Variants in NEBL observed in about 807,000 individuals in gnomAD.
NEBL encodes nebulette.
Under a neutral mutation model 140.2 loss-of-function variants are expected in NEBL, and 122 were observed. The ratio of observed to expected loss-of-function variants is 0.87; its 90% confidence interval spans 0.75 to 1.01. The LOEUF (loss-of-function observed/expected upper bound fraction) is 1.01. Among genes scored for constraint, NEBL ranks in the 50% least tolerant of loss-of-function variants. The probability of loss-of-function intolerance (pLI) is 0.00; values close to 1 mark genes in which losing one functional copy is unlikely to be tolerated. For missense variants in NEBL, 1,365 were observed against 1,231.3 expected (o/e 1.11, Z -1.62); for synonymous variants, 436 against 398.9 (o/e 1.09, Z -1.11).
intron 26 of NEBL, among the ~76,000 whole-genome samples, chr10:20,799,106 C>T (rs545457212): frequency 2.2e-4 from 33 of 152,130 alleles, no homozygotes; most frequent in Non-Finnish European, 3.7e-4. Flanking sequence ...TTGGAATTTA[C>T]ATTATAAAGA....
At chr10:20,967,365 C>A (rs976242508) in intron 3 of NEBL, among the ~76,000 whole-genome samples, 2 of 152,172 alleles carry the variant, frequency 1.3e-5, no homozygotes, top group East Asian at 3.9e-4. Flanking sequence ...TGGTGGCTCA[C>A]GCCTGTGATC....
chr10:21,082,650 C>T (rs940124624), intron 2 of NEBL, among the ~76,000 whole-genome samples: 2 of 151,526 alleles, frequency 1.3e-5, no homozygotes, highest in African/African-American at 2.4e-5. Flanking sequence ...CCATTTTGAT[C>T]CTATACCAGT....
intron 13 of NEBL, among the ~76,000 whole-genome samples, chr10:20,839,867 T>C (rs1841248132): frequency 6.6e-6 from 1 of 152,158 alleles, no homozygotes; most frequent in Admixed American, 6.5e-5. Flanking sequence ...ATATGAGTTA[T>C]CCTTTTATTA....
chr10:21,146,328 A>G (rs1479564008), intron 2 of NEBL: 4 of 1,603,826 alleles, frequency 2.5e-6, no homozygotes, highest in Non-Finnish European at 3.4e-6. Flanking sequence ...ACCTGCCCCC[A>G]ACACATACTC....
intron 3 of NEBL, among the ~76,000 whole-genome samples, chr10:20,992,644 C>T (rs1039554930): frequency 6.6e-6 from 1 of 152,064 alleles, no homozygotes; most frequent in Non-Finnish European, 1.5e-5. Flanking sequence ...GCCTCCAGAC[C>T]TAGCTCTCCT....
intron 3 of NEBL, among the ~76,000 whole-genome samples, chr10:21,195,060 C>T (rs745985668): frequency 3.3e-5 from 5 of 152,078 alleles, no homozygotes; most frequent in Admixed American, 6.5e-5. Flanking sequence ...GTCATTGAAA[C>T]GACTCCCACT....
chr10:20,989,567 A>G (rs1837381731), intron 3 of NEBL, among the ~76,000 whole-genome samples: 1 of 152,198 alleles, frequency 6.6e-6, no homozygotes, highest in Non-Finnish European at 1.5e-5. Flanking sequence ...GTGTGAGAAG[A>G]CAGGGAGGGA....
At chr10:21,131,591 T>C (rs1156797788) in intron 2 of NEBL, among the ~76,000 whole-genome samples, 1 of 152,090 alleles carries the variant, frequency 6.6e-6, no homozygotes, top group East Asian at 1.9e-4. Context: ...AGAAAACCAA[T>C]AAAAGCAATG....
intron 2 of NEBL, among the ~76,000 whole-genome samples, chr10:21,163,628 C>T (rs73609211): frequency 0.033 from 4,998 of 152,288 alleles, 294 homozygotes; most frequent in African/African-American, 0.11. Context: ...TCCAAGTTCT[C>T]TGTGTTTGGT....
intron 2 of NEBL, among the ~76,000 whole-genome samples, chr10:21,087,657 A>G (rs1229185782): frequency 6.6e-6 from 1 of 152,194 alleles, no homozygotes; most frequent in Non-Finnish European, 1.5e-5. Flanking sequence ...TCGAGTAATA[A>G]TGTCTTGGAG....
intron 2 of NEBL, among the ~76,000 whole-genome samples, chr10:21,154,541 A>G (rs1840266561): frequency 1.3e-5 from 2 of 152,174 alleles, no homozygotes; most frequent in African/African-American, 4.8e-5. Flanking sequence ...GGTCTCAATA[A>G]CACCTGTGTT....
At chr10:21,135,707 G>C (rs1404140308) in intron 2 of NEBL, among the ~76,000 whole-genome samples, 2 of 152,122 alleles carry the variant, frequency 1.3e-5, no homozygotes, top group Non-Finnish European at 2.9e-5. Flanking sequence ...AATTGGTGAG[G>C]GGTCTACACC....
chr10:21,055,190 T>C (rs1188080332), intron 2 of NEBL, among the ~76,000 whole-genome samples: 1 of 152,230 alleles, frequency 6.6e-6, no homozygotes, highest in Non-Finnish European at 1.5e-5. Context: ...TAACAAGTTA[T>C]AACCTTGAGC....
rs901962676 is a variant in NEBL at position 20,808,558 on chromosome 10, G to A, written c.2713C>T (p.Pro905Ser). ...ACCTCACTGCAGCATGAAAAGCTAG[G>A]GTAAATCTCGGAGATTTCTGACCTG... ...DDRSEISEIY[P>S]SFSCCSEVTR... The change falls in exon 26 of 28, where the codon CCT becomes TCT. Residue 905 changes from proline (P) to serine (S), a missense_variant. Around this residue, in one of 2 missense-constraint regions of NEBL, gnomAD observed 1,323 missense variants for 1,154.8 expected, o/e 1.15. Transcript: ENST00000377122. 6.2e-7 allele frequency: 1 copy of A among 1,613,840 alleles called. No individual in the cohort carries two copies. The highest frequency in any genetic ancestry group is 8.5e-7 in the Non-Finnish European group (1 of 1,179,888).
intron 1 of NEBL, among the ~76,000 whole-genome samples, chr10:21,273,072 G>A (rs1250138023): frequency 6.6e-6 from 1 of 152,150 alleles, no homozygotes; most frequent in East Asian, 1.9e-4. Context: ...AAGACAACTG[G>A]AGTCATCTAC....
At position 20,924,858 on chromosome 10, in the gene NEBL, T is replaced by C. The variant is rs939048956; in HGVS notation, c.357+36814A>G. Among the ~76,000 whole-genome samples the C allele has an allele frequency of 5.3e-5, 8 of 152,158 alleles. No individual in the cohort carries two copies. In the East Asian group the frequency reaches 1.2e-3, roughly 22 times the overall value. On this transcript the variant is annotated intron_variant, in intron 4 of 6. Transcript: ENST00000417816. ...CATAATCCGGCTGGCGCTATAAAAC[T>C]GCAGGAGTCGAGGGGTACATGGTCC...
At chr10:21,161,948 C>CAGTG (rs1400206950) in intron 2 of NEBL, among the ~76,000 whole-genome samples, 1 of 152,156 alleles carries the variant, frequency 6.6e-6, no homozygotes. Context: ...CAAGGTGGCT[C>CAGTG]AGTGCACCAG....
At chr10:21,158,009 C>T (rs1840400813) in intron 2 of NEBL, among the ~76,000 whole-genome samples, 1 of 152,186 alleles carries the variant, frequency 6.6e-6, no homozygotes, top group South Asian at 2.1e-4. Flanking sequence ...CCAGAAGAAA[C>T]CAACCCTACA....
chr10:21,157,148 T>A (rs1471062088), intron 2 of NEBL, among the ~76,000 whole-genome samples: 2 of 152,118 alleles, frequency 1.3e-5, no homozygotes, highest in African/African-American at 4.8e-5. Flanking sequence ...AAGATATGCA[T>A]GTCAAAGGAA....
Sources: allele counts gnomAD v4.1 joint callset (sites outside exome capture counted in the v4.1 genomes callset), GRCh38; gene constraint gnomAD v4.1.1; regional missense constraint gnomAD v4.1.1; transcripts MANE v1.5; gene names NCBI Gene and HGNC (gene_info 2026-07-23, HGNC 2026-07-21).